The following EEF2K variants were observed in gnomAD, a reference collection of about 807,000 sequenced individuals.
The protein encoded by EEF2K is eukaryotic elongation factor 2 kinase.
EEF2K carries 70 observed loss-of-function variants against 93.8 expected under a neutral mutation model. That is an observed-to-expected ratio of 0.75 (90% CI 0.62 to 0.91). The LOEUF (loss-of-function observed/expected upper bound fraction) is 0.91, where lower values mean the gene tolerates loss of function less well. EEF2K is among the 40% of genes least tolerant of loss of function. The probability of loss-of-function intolerance (pLI) is 0.00; values close to 1 mark genes in which losing one functional copy is unlikely to be tolerated. For synonymous variants in EEF2K, 376 were observed against 380.8 expected, an observed-to-expected ratio of 0.99 and a Z score of 0.15; for missense variants, 935 against 972.9, an observed-to-expected ratio of 0.96 and a Z score of 0.52.
At chr16:22,232,162 C>A (rs2047122498) in intron 2 of EEF2K, among the ~76,000 whole-genome samples, 2 of 152,124 alleles carry the variant, frequency 1.3e-5, no homozygotes, top group South Asian at 4.1e-4. Flanking sequence ...TATAAAATTT[C>A]TTTCAACTGA....
chr16:22,248,909 T>G, intron 4 of EEF2K, 94 bp downstream of exon 4: 1 of 1,271,944 alleles, frequency 7.9e-7, no homozygotes, highest in Non-Finnish European at 1.1e-6. Context: ...CACTCCCACT[T>G]TATTTAATTT....
At chr16:22,264,987 A>G in intron 13 of EEF2K, 107 bp downstream of exon 13, 3 of 1,350,928 alleles carry the variant, frequency 2.2e-6, no homozygotes, top group Non-Finnish European at 3.1e-6. Flanking sequence ...TCTGTCTTGC[A>G]CATGTGCTAA....
Position 22,266,373 on chromosome 16 carries a change from C to G in EEF2K, c.1441-17C>G, listed in dbSNP as rs374251010. On this transcript the variant is annotated splice_polypyrimidine_tract_variant and intron_variant, in intron 13 of 17. Transcript: ENST00000263026. ...ACCCCCAGCCCCTCGCTTCCCTGGC[C>G]GGTTCTTTCCCTTCAGGTATGTGTA... 3 of 1,607,208 alleles carry G rather than the reference C, an allele frequency of 1.9e-6. No individual in the cohort carries two copies. Among genetic ancestry groups the G allele is most frequent in the Non-Finnish European group, 2.5e-6 (3 of 1,177,370 alleles).
At chr16:22,253,660 T>G (rs1421530521) in intron 6 of EEF2K, among the ~76,000 whole-genome samples, 2 of 150,670 alleles carry the variant, frequency 1.3e-5, no homozygotes, top group Non-Finnish European at 2.9e-5. Context: ...CACATCATTC[T>G]AACTTTTTTT....
At chr16:22,283,715 A>G (rs959672232) in intron 17 of EEF2K, among the ~76,000 whole-genome samples, 172 bp from the exon 18 acceptor site, 1 of 152,154 alleles carries the variant, frequency 6.6e-6, no homozygotes, top group African/African-American at 2.4e-5. Flanking sequence ...ATTTTATCAC[A>G]GGCCCACCTT....
Position 22,284,228 on chromosome 16 carries a change from G to T in EEF2K, c.*232G>T, listed in dbSNP as rs915340649. The stretch of plus-strand genomic sequence containing the variant: ...GCAGTATTTTGGGGAAGTGGGGCTT[G>T]AAGAAGCAGCCTAATGAACCAACAT... On this transcript the variant is annotated 3_prime_UTR_variant, in exon 18 of 18. Coordinates refer to ENST00000263026, the MANE Select transcript of EEF2K (RefSeq NM_013302.5). 9 of 504,278 alleles carry T rather than the reference G, an allele frequency of 1.8e-5. No homozygotes were observed. The highest frequency in any genetic ancestry group is 1.7e-4 in the African/African-American group (9 of 52,232). 31.2% of individuals were successfully genotyped at this position (504,278 alleles called of 1,614,324 possible). A position where few individuals can be genotyped will look rare whatever the true frequency, so the allele number is the denominator to read the frequency against.
At chr16:22,277,856 T>C (rs559195974) in intron 16 of EEF2K, among the ~76,000 whole-genome samples, 3 of 151,600 alleles carry the variant, frequency 2.0e-5, no homozygotes, top group African/African-American at 7.3e-5. Context: ...AATATCAGTA[T>C]GCCAGCGTCT....
At chr16:22,267,369 G>T (rs1178237589) in intron 15 of EEF2K, among the ~76,000 whole-genome samples, 1 of 151,996 alleles carries the variant, frequency 6.6e-6, no homozygotes, top group African/African-American at 2.4e-5. Flanking sequence ...GAGGCGGGTG[G>T]ATCACATGAG....
At position 22,283,938 on chromosome 16, in the gene EEF2K, G is replaced by A. The variant is rs1039564627; in HGVS notation, c.2120G>A (p.Arg707Gln). 5.6e-6 allele frequency: 9 copies of A among 1,600,162 alleles called. No individual in the cohort carries two copies. The highest frequency in any genetic ancestry group is 7.7e-6 in the Non-Finnish European group (9 of 1,173,612). ...GCAGCGATGGAAGCCATGAAGGGCC[G>A]ACTGGCCAACCAGTACTACCAAAAG... ...AEAAMEAMKG[R>Q]LANQYYQKAE... The change falls in exon 18 of 18, where the codon CGA becomes CAA. Residue 707 changes from arginine to glutamine, a missense_variant. Transcript: ENST00000263026.
chr16:22,242,790 C>G (rs1298404975), intron 2 of EEF2K, among the ~76,000 whole-genome samples: 1 of 152,028 alleles, frequency 6.6e-6, no homozygotes, highest in Non-Finnish European at 1.5e-5. Flanking sequence ...TCATGGGAAT[C>G]GTTTCATAAT....
intron 1 of EEF2K, among the ~76,000 whole-genome samples, chr16:22,222,222 C>A (rs188371883): frequency 2.6e-5 from 4 of 151,876 alleles, no homozygotes; most frequent in African/African-American, 9.7e-5. Context: ...GAGACAGGGT[C>A]TTGCTGTATT....
intron 2 of EEF2K, among the ~76,000 whole-genome samples, chr16:22,227,032 C>G (rs2047071769): frequency 6.6e-6 from 1 of 152,066 alleles, no homozygotes; most frequent in Non-Finnish European, 1.5e-5. Context: ...AACTCCATCT[C>G]TACTAAAATA....
chr16:22,220,730 C>T (rs1481367060), intron 1 of EEF2K, among the ~76,000 whole-genome samples: 1 of 152,244 alleles, frequency 6.6e-6, no homozygotes, highest in Non-Finnish European at 1.5e-5. Flanking sequence ...CGGGCATGAG[C>T]CATCACGCCT....
rs370742524 is a variant in EEF2K at position 22,274,768 on chromosome 16, C to T, written c.1889+1018C>T. On this transcript the variant is annotated intron_variant, in intron 16 of 17. Coordinates refer to ENST00000263026, the MANE Select transcript of EEF2K (RefSeq NM_013302.5). ...GACTACAGGCATGTACCACCACACC[C>T]AGCTAAATTTTTAAATTTGTTGGAG... Among the ~76,000 whole-genome samples, 7 of 151,970 alleles carry T rather than the reference C, an allele frequency of 4.6e-5. No individual in the cohort carries two copies. The East Asian group carries it at 1.2e-3, about 25-fold the overall frequency.
At chr16:22,226,517 C>CTTCTTTTTTTTTTTTTTTTTTTT (rs1555469266) in intron 2 of EEF2K, among the ~76,000 whole-genome samples, 3 of 106,900 alleles carry the variant, frequency 2.8e-5, no homozygotes, top group East Asian at 3.3e-4. Context: ...CCTTCTTCTT[C>CTTCTTTTTTTTTTTTTTTTTTTT]TTTTTTTTTT....
At chr16:22,208,608 A>T (rs2046886337) in intron 1 of EEF2K, among the ~76,000 whole-genome samples, 1 of 151,914 alleles carries the variant, frequency 6.6e-6, no homozygotes, top group African/African-American at 2.4e-5. Flanking sequence ...GATTACGGAT[A>T]TATCACTGGC....
chr16:22,208,262 C>T (rs2046883455), intron 1 of EEF2K, among the ~76,000 whole-genome samples: 1 of 152,154 alleles, frequency 6.6e-6, no homozygotes, highest in Non-Finnish European at 1.5e-5. Context: ...GTGGCTCAGG[C>T]CTTTAATCTC....
intron 2 of EEF2K, among the ~76,000 whole-genome samples, chr16:22,232,330 G>A (rs996296630): frequency 2.6e-5 from 4 of 152,168 alleles, no homozygotes; most frequent in African/African-American, 4.8e-5. Context: ...GGGCTTGAGC[G>A]ATCCTCCCAC....
intron 1 of EEF2K, among the ~76,000 whole-genome samples, chr16:22,219,059 ATTC>A (rs2046988096): frequency 1.3e-5 from 2 of 151,672 alleles, no homozygotes; most frequent in African/African-American, 4.9e-5. Flanking sequence ...CTGGAGTCCT[ATTC>A]TTATCACAGG....
Sources: allele counts gnomAD v4.1 joint callset (sites outside exome capture counted in the v4.1 genomes callset), GRCh38; gene constraint gnomAD v4.1.1; transcripts MANE v1.5; gene names NCBI Gene and HGNC (gene_info 2026-07-23, HGNC 2026-07-21).